The following ASRGL1 variants were observed in gnomAD, a reference collection of about 807,000 sequenced individuals.
ASRGL1 encodes the protein asparaginase and isoaspartyl peptidase 1, also known as isoaspartyl peptidase/L-asparaginase.
Under a neutral mutation model 22.4 loss-of-function variants are expected in ASRGL1, and 16 were observed. The ratio of observed to expected loss-of-function variants is 0.71; its 90% confidence interval spans 0.48 to 1.08. The LOEUF is 1.08. Among genes scored for constraint, ASRGL1 ranks in the 50% least tolerant of loss-of-function variants. ASRGL1 has a pLI of 0.00. For missense variants in ASRGL1, 412 were observed against 410.1 expected, an observed-to-expected ratio of 1.00 and a Z score of -0.04; for synonymous variants, 165 against 159.3, an observed-to-expected ratio of 1.04 and a Z score of -0.27.
intron 2 of ASRGL1, among the ~76,000 whole-genome samples, chr11:62,349,366 C>G (rs1272999179): frequency 6.6e-6 from 1 of 152,130 alleles, no homozygotes; most frequent in East Asian, 1.9e-4. Flanking sequence ...TTAGCTCTGC[C>G]CAATAGCCCA....
chr11:62,356,473 T>C lies in ASRGL1; in HGVS notation c.333+6T>C, dbSNP rs778797548. On this transcript the variant is annotated splice_donor_region_variant and intron_variant, in intron 3 of 6. Transcript: ENST00000415229. ...CTCGGCTTGTCATGGAAAAGGTATATGTGACTAAAGCAGCCTTTTCCTAAT... is the reference window on the plus strand; with the variant it reads ...CTCGGCTTGTCATGGAAAAGGTATACGTGACTAAAGCAGCCTTTTCCTAAT... 37 of 1,614,044 alleles carry C rather than the reference T, an allele frequency of 2.3e-5. No homozygotes were observed. In the East Asian group the frequency reaches 7.8e-4, roughly 34 times the overall value.
chr11:62,345,466 A>C (rs1590705285), intron 2 of ASRGL1, among the ~76,000 whole-genome samples: 1 of 151,988 alleles, frequency 6.6e-6, no homozygotes, highest in Non-Finnish European at 1.5e-5. Context: ...ACAAGGTTTC[A>C]CCATGTTGGC....
chr11:62,392,111 T>C lies in ASRGL1; in HGVS notation c.754T>C (p.Leu252=), dbSNP rs1242412931. ...KTVEEAADLS[L]GYMKSRVKGL... is the part of the protein sequence containing the mutation. ...GGTAGAAGAGGCTGCGGACCTATCG[T>C]TGGGTTATATGAAGTCAAGGGTTAA... Residue 252 remains leucine (L), a synonymous_variant, in exon 7 of 7, where the codon TTG becomes CTG. Transcript: ENST00000415229. 6.2e-7 allele frequency: 1 copy of C among 1,614,172 alleles called. No homozygotes were observed. Among genetic ancestry groups the C allele is most frequent in the Non-Finnish European group, 8.5e-7 (1 of 1,180,028 alleles).
chr11:62,375,388 T>C (rs1396305656), intron 4 of ASRGL1, among the ~76,000 whole-genome samples: 1 of 140,420 alleles, frequency 7.1e-6, no homozygotes, highest in African/African-American at 2.6e-5. Flanking sequence ...GGTTGTGATT[T>C]GGTTGAAGGT....
At chr11:62,369,715 T>G (rs1477045683) in intron 4 of ASRGL1, among the ~76,000 whole-genome samples, 1 of 152,164 alleles carries the variant, frequency 6.6e-6, no homozygotes, top group Non-Finnish European at 1.5e-5. Flanking sequence ...TTTGAACATT[T>G]GCTCTTTTAA....
intron 2 of ASRGL1, among the ~76,000 whole-genome samples, chr11:62,348,990 A>G (rs1447267042): frequency 2.0e-5 from 3 of 151,174 alleles, no homozygotes; most frequent in East Asian, 2.0e-4. Flanking sequence ...GTTTTTTGAG[A>G]TGGAGTCTCA....
At chr11:62,362,552 C>T (rs188140603) in intron 4 of ASRGL1, among the ~76,000 whole-genome samples, 15,852 of 25,226 alleles carry the variant, frequency 0.63, 4,265 homozygotes, top group South Asian at 0.68. Flanking sequence ...AAATATATAA[C>T]ATATATTATT....
intron 4 of ASRGL1, 179 bp downstream of exon 4, chr11:62,357,323 C>A (rs1377046698): frequency 1.5e-6 from 1 of 667,564 alleles, no homozygotes; most frequent in African/African-American, 1.9e-5. Context: ...GATCTCGGCT[C>A]ACTGCAGCCT....
At chr11:62,386,439 T>TTATCATAGATATGTACATATCATAAA (rs1947204306) in intron 4 of ASRGL1, among the ~76,000 whole-genome samples, 1 of 75,790 alleles carries the variant, frequency 1.3e-5, no homozygotes. Context: ...CAATTAAACT[T>TTATCATAGATATGTACATATCATAAA]TATCATAGAT....
chr11:62,356,891 C>A, intron 3 of ASRGL1, 96 bp from the exon 4 acceptor site: 2 of 1,379,886 alleles, frequency 1.4e-6, no homozygotes, highest in Non-Finnish European at 1.9e-6. Flanking sequence ...ATCCTTTGCA[C>A]CCAGAGAGAA....
chr11:62,347,774 T>C (rs1474421142), intron 2 of ASRGL1, among the ~76,000 whole-genome samples: 4 of 151,896 alleles, frequency 2.6e-5, no homozygotes, highest in African/African-American at 9.7e-5. Flanking sequence ...AAACTAAAAA[T>C]ACAAAAATTA....
At chr11:62,375,428 TTATATATATATATATATA>T (rs71053051) in intron 4 of ASRGL1, among the ~76,000 whole-genome samples, 3,494 of 69,012 alleles carry the variant, frequency 0.051, 315 homozygotes, top group African/African-American at 0.13. Context: ...TTGTCTTACT[TTATATATATATATATATA>T]TATATATATA....
chr11:62,357,416 ATTT>A lies in ASRGL1; in HGVS notation c.491+295_491+297del, dbSNP rs1342638247. Among the ~76,000 whole-genome samples, 70 of 100,382 alleles carry A rather than the reference ATTT, an allele frequency of 7.0e-4. No homozygotes were observed. In the South Asian group the frequency reaches 0.014, roughly 20 times the overall value. The allele number at this position is 100,382 out of a possible 152,430, so 65.9% of individuals were successfully genotyped here. A position where few individuals can be genotyped will look rare whatever the true frequency, so the allele number is the denominator to read the frequency against. The stretch of plus-strand genomic sequence containing the variant: ...AGGCACACACCACTGCACCCGGCTC[ATTT>A]TTTTTTTTTTTTTTTTTTTTTTAGT... On this transcript the variant is annotated intron_variant, in intron 4 of 6. Transcript: ENST00000415229.
At chr11:62,394,626 G>A (rs543063935), downstream of ASRGL1, among the ~76,000 whole-genome samples, 10 of 152,150 alleles carry the variant, frequency 6.6e-5, no homozygotes, top group African/African-American at 2.4e-4. Flanking sequence ...GGGATAGGGA[G>A]GCCAGTTGGA....
chr11:62,337,843 C>A, intron 1 of ASRGL1, 47 bp from the exon 2 acceptor site: 1 of 982,526 alleles, frequency 1.0e-6, no homozygotes, highest in Non-Finnish European at 1.4e-6. Context: ...CCACCCCCAG[C>A]TGCGAACCCA....
At chr11:62,357,324 A>ACTGCAGCCTCCGCCTCC (rs1281501527) in intron 4 of ASRGL1, 180 bp downstream of exon 4, 4 of 652,344 alleles carry the variant, frequency 6.1e-6, no homozygotes, top group Non-Finnish European at 9.5e-6. Context: ...ATCTCGGCTC[A>ACTGCAGCCTCCGCCTCC]CTGCAGCCTC....
At chr11:62,397,483 G>GAT, downstream of ASRGL1, among the ~76,000 whole-genome samples, 1 of 152,092 alleles carries the variant, frequency 6.6e-6, no homozygotes, top group Non-Finnish European at 1.5e-5. Context: ...TGACCAACAT[G>GAT]GAGAAACCCC....
At chr11:62,377,245 C>T (rs988716432) in intron 4 of ASRGL1, among the ~76,000 whole-genome samples, 2 of 151,968 alleles carry the variant, frequency 1.3e-5, no homozygotes, top group East Asian at 1.9e-4. Context: ...AGTGTGTGCC[C>T]AAATATGAGT....
downstream of ASRGL1, among the ~76,000 whole-genome samples, chr11:62,394,498 A>T (rs911914843): frequency 6.6e-6 from 1 of 151,568 alleles, no homozygotes; most frequent in African/African-American, 2.4e-5. Flanking sequence ...TTGGGAGAGG[A>T]CAGAATTCAG....
Sources: gnomAD v4.1 joint callset for allele counts (sites outside exome capture counted in the v4.1 genomes callset) on GRCh38, gnomAD v4.1.1 for gene constraint, MANE v1.5 for transcripts, NCBI Gene and HGNC (gene_info 2026-07-23, HGNC 2026-07-21) for gene names.